TAFA2: variants seen among roughly 807,000 people sequenced by gnomAD.
The protein encoded by TAFA2 is chemokine-like protein TAFA-2.
A neutral mutation model predicts 18.8 loss-of-function variants in TAFA2; 7 were observed. The ratio of observed to expected loss-of-function variants is 0.37; its 90% CI spans 0.21 to 0.70. The LOEUF (loss-of-function observed/expected upper bound fraction) is 0.70, where lower values mean the gene tolerates loss of function less well. Among genes scored for constraint, TAFA2 ranks in the 30% least tolerant of loss-of-function variants. The pLI, the probability that TAFA2 is intolerant of heterozygous loss-of-function variation, is 0.53. For missense variants in TAFA2, 122 were observed against 158.1 expected (o/e 0.77, Z 1.23); for synonymous variants, 60 against 54.2 (o/e 1.11, Z -0.47).
chr12:62,254,122 TTA>T (rs2062927410), intron 1 of TAFA2, among the ~76,000 whole-genome samples: 1 of 152,220 alleles, frequency 6.6e-6, no homozygotes. Flanking sequence ...ACACAGCTGT[TTA>T]TGTTATTACA....
At chr12:61,961,817 A>G (rs1207427640) in intron 1 of TAFA2, among the ~76,000 whole-genome samples, 4 of 152,000 alleles carry the variant, frequency 2.6e-5, no homozygotes, top group Non-Finnish European at 4.4e-5. Flanking sequence ...TCTCTTCTGT[A>G]TCATCAAATG....
chr12:62,068,781 C>T (rs996000969), intron 1 of TAFA2, among the ~76,000 whole-genome samples: 3 of 152,120 alleles, frequency 2.0e-5, no homozygotes, highest in African/African-American at 7.2e-5. Flanking sequence ...TGTCAAGAAT[C>T]ACTGGGAAAT....
At chr12:62,232,455 G>A (rs1004367172) in intron 1 of TAFA2, among the ~76,000 whole-genome samples, 3 of 152,142 alleles carry the variant, frequency 2.0e-5, no homozygotes, top group African/African-American at 7.2e-5. Flanking sequence ...AATTTCCCAA[G>A]ACATCTCATA....
intron 1 of TAFA2, among the ~76,000 whole-genome samples, chr12:61,934,184 G>T (rs1003004502): frequency 3.9e-5 from 6 of 152,156 alleles, no homozygotes; most frequent in African/African-American, 1.4e-4. Flanking sequence ...GAATCCTGTT[G>T]CTGCACAGCA....
At chr12:61,724,719 T>C (rs1431357497) in intron 4 of TAFA2, among the ~76,000 whole-genome samples, 1 of 149,734 alleles carries the variant, frequency 6.7e-6, no homozygotes, top group Admixed American at 6.7e-5. Context: ...TTCATTTCTT[T>C]TCATGGCTGA....
rs555612940 is a variant in TAFA2 at position 61,844,541 on chromosome 12, G to A, written c.106+22779C>T. On this transcript the variant is annotated intron_variant, in intron 2 of 4. Transcript: ENST00000416284. ...AGGTCTTAGTTATTTAGGCTAAAAT[G>A]GATCATTTTTATAGGAATTAGGTTT... Among the ~76,000 whole-genome samples, 8 of 152,102 alleles carry A rather than the reference G, an allele frequency of 5.3e-5. No individual in the cohort carries two copies. The South Asian group carries it at 1.7e-3, about 32-fold the overall frequency.
At chr12:61,755,320 G>C (rs1485203473) in intron 2 of TAFA2, among the ~76,000 whole-genome samples, 1 of 152,090 alleles carries the variant, frequency 6.6e-6, no homozygotes, top group Non-Finnish European at 1.5e-5. Context: ...ACATTTATTT[G>C]CATATGACTT....
At chr12:62,141,620 T>A (rs1215557536) in intron 1 of TAFA2, among the ~76,000 whole-genome samples, 1 of 152,222 alleles carries the variant, frequency 6.6e-6, no homozygotes, top group Non-Finnish European at 1.5e-5. Flanking sequence ...TTTTAGTGAG[T>A]AATCTTTTGA....
intron 2 of TAFA2, among the ~76,000 whole-genome samples, chr12:61,762,446 G>A (rs1280168627): frequency 6.6e-6 from 1 of 151,880 alleles, no homozygotes; most frequent in Admixed American, 6.6e-5. Context: ...GAGTCTTTAT[G>A]AAGACCAAAT....
intron 1 of TAFA2, among the ~76,000 whole-genome samples, chr12:61,937,065 C>T (rs1877798915): frequency 6.6e-6 from 1 of 151,920 alleles, no homozygotes. Context: ...ACCATAGCTG[C>T]AAATAAAATA....
chr12:61,803,371 T>C (rs1040005303), intron 2 of TAFA2, among the ~76,000 whole-genome samples: 52 of 151,908 alleles, frequency 3.4e-4, no homozygotes, highest in African/African-American at 1.2e-3. Flanking sequence ...ATTAACTCTC[T>C]AGTTACACAA....
chr12:62,194,739 G>A (rs1385652489), upstream of TAFA2, among the ~76,000 whole-genome samples: 3 of 152,056 alleles, frequency 2.0e-5, no homozygotes, highest in Non-Finnish European at 2.9e-5. Context: ...GAAATTTTTT[G>A]TTGATACTTC....
At chr12:61,803,721 CATA>C (rs751087148) in intron 2 of TAFA2, among the ~76,000 whole-genome samples, 9 of 151,770 alleles carry the variant, frequency 5.9e-5, no homozygotes, top group Non-Finnish European at 1.0e-4. Context: ...AAGTCAGAAG[CATA>C]ATAACTTCTT....
upstream of TAFA2, among the ~76,000 whole-genome samples, chr12:62,197,667 A>AT (rs998028234): frequency 1.3e-5 from 2 of 151,996 alleles, no homozygotes; most frequent in African/African-American, 4.8e-5. Context: ...TATAGTTTGC[A>AT]TTTTCCACAG....
intron 2 of TAFA2, among the ~76,000 whole-genome samples, chr12:61,846,061 C>T (rs1312472623): frequency 1.3e-5 from 2 of 152,058 alleles, no homozygotes; most frequent in Admixed American, 6.6e-5. Flanking sequence ...AATAAAAATA[C>T]TATATTTTGA....
chr12:62,132,912 A>G (rs1870747314), intron 1 of TAFA2, among the ~76,000 whole-genome samples: 2 of 152,112 alleles, frequency 1.3e-5, no homozygotes, highest in Non-Finnish European at 2.9e-5. Flanking sequence ...GTCTAGATTC[A>G]GATTATATAA....
chr12:62,089,418 T>C (rs1393387816), intron 1 of TAFA2, among the ~76,000 whole-genome samples: 1 of 152,108 alleles, frequency 6.6e-6, no homozygotes, highest in Non-Finnish European at 1.5e-5. Flanking sequence ...TTACCCTAAA[T>C]AGAAGAACTC....
intron 1 of TAFA2, among the ~76,000 whole-genome samples, chr12:61,972,002 G>A (rs112468138): frequency 1.4e-4 from 21 of 151,718 alleles, no homozygotes; most frequent in African/African-American, 3.9e-4. Context: ...AGGATGCCAC[G>A]ACCATTCAAT....
intron 2 of TAFA2, among the ~76,000 whole-genome samples, chr12:61,756,713 T>G (rs530799905): frequency 6.6e-6 from 1 of 152,164 alleles, no homozygotes; most frequent in East Asian, 1.9e-4. Context: ...TAGAGTAGAG[T>G]AACATGATTC....
Sources: allele counts gnomAD v4.1 joint callset (sites outside exome capture counted in the v4.1 genomes callset), GRCh38; gene constraint gnomAD v4.1.1; transcripts MANE v1.5; gene names NCBI Gene and HGNC (gene_info 2026-07-23, HGNC 2026-07-21).